ABHD5: variants seen among roughly 807,000 people sequenced by gnomAD.
The protein encoded by ABHD5 is 1-acylglycerol-3-phosphate O-acyltransferase ABHD5.
A neutral mutation model predicts 44.9 loss-of-function variants in ABHD5; 30 were observed. The ratio of observed to expected loss-of-function variants is 0.67; its 90% CI spans 0.50 to 0.91. ABHD5 has a LOEUF of 0.91. Ranked by LOEUF, ABHD5 falls within the 40% of genes least tolerant of loss-of-function variation. The pLI is 0.00. For synonymous variants in ABHD5, 167 were observed against 147.0 expected (o/e 1.14, Z -0.99); for missense variants, 399 against 423.4 (o/e 0.94, Z 0.50).
In ABHD5 at chr3:43,702,489, A is replaced by C; in HGVS notation, c.408A>C (p.Glu136Asp). Reference sequence around the variant, plus strand: ...AGAATCAGTTTGTGGAATCCATTGAAGAGTGGAGATGTGCCCTAGGATTGG... The same window carrying C: ...AGAATCAGTTTGTGGAATCCATTGACGAGTGGAGATGTGCCCTAGGATTGG... ...EVENQFVESI[E>D]EWRCALGLDK... Residue 136 changes from glutamate (E) to aspartate (D), a missense_variant, in exon 3 of 7, where the codon GAA becomes GAC. Physicochemically the swap from Glu to Asp is conservative, Grantham distance 45. Coordinates refer to ENST00000644371, the MANE Select transcript of ABHD5 (RefSeq NM_016006.6). 27 of 1,614,242 alleles carry C rather than the reference A, an allele frequency of 1.7e-5. No individual in the cohort carries two copies. The highest frequency in any genetic ancestry group is 2.3e-5 in the Non-Finnish European group (27 of 1,180,040).
chr3:43,727,577 A>AG (rs1023650017), downstream of ABHD5, among the ~76,000 whole-genome samples: 5 of 152,156 alleles, frequency 3.3e-5, no homozygotes. Context: ...GCAGGAAAAA[A>AG]TGGTGTTGTA....
At position 43,714,133 on chromosome 3, in the gene ABHD5, T is replaced by C. The variant is rs192430817; in HGVS notation, c.662-814T>C. On this transcript the variant is annotated intron_variant, in intron 4 of 6. Transcript: ENST00000644371. ...TTTTCTTTTCTTTCTTTCTTTCTTT[T>C]TTTCTTTTTTTTTTTTTTTGAGACG... Among the ~76,000 whole-genome samples the C allele has an allele frequency of 3.4e-3, 506 of 148,216 alleles. 7 individuals are homozygous for C. Among genetic ancestry groups the C allele is most frequent in the African/African-American group, 0.012 (475 of 38,704 alleles).
Position 43,702,482 on chromosome 3 carries a change from C to G in ABHD5, c.401C>G (p.Ser134Cys). The change falls in exon 3 of 7, where the codon TCC (serine) becomes TGC (cysteine). Residue 134 changes from serine (S) to cysteine (C), a missense_variant. Coordinates refer to ENST00000644371, the MANE Select transcript of ABHD5 (RefSeq NM_016006.6). The part of the protein sequence containing the change: ...AEEVENQFVE[S>C]IEEWRCALGL... ...GAAGTGGAGAATCAGTTTGTGGAAT[C>G]CATTGAAGAGTGGAGATGTGCCCTA... 1 of 1,614,212 alleles carries G rather than the reference C, an allele frequency of 6.2e-7. No individual in the cohort carries two copies. Among genetic ancestry groups the G allele is most frequent in the Non-Finnish European group, 8.5e-7 (1 of 1,180,044 alleles).
At chr3:43,723,438 TTGA>T (rs1181631968), downstream of ABHD5, among the ~76,000 whole-genome samples, 4 of 152,208 alleles carry the variant, frequency 2.6e-5, no homozygotes, top group African/African-American at 4.8e-5. Context: ...AAATGAAAAG[TTGA>T]TGAGAAGCAT....
intron 7 of ABHD5, among the ~76,000 whole-genome samples, chr3:43,729,075 A>T (rs943397080): frequency 3.9e-5 from 6 of 152,196 alleles, no homozygotes; most frequent in African/African-American, 1.4e-4. Context: ...TTTTGTGGTG[A>T]CTCTAACCAT....
At position 43,718,540 on chromosome 3, in the gene ABHD5, G is replaced by C. The variant is rs1575607779; in HGVS notation, c.*8G>C. The stretch of plus-strand genomic sequence containing the variant: ...TGCGACACTGTGGACTGAACACACT[G>C]AAGCTCTGATGGGAAAACCTGGTGA... On this transcript the variant is annotated 3_prime_UTR_variant, in exon 7 of 7. Transcript: ENST00000644371. The C allele has an allele frequency of 7.4e-6, 12 of 1,613,532 alleles. No individual in the cohort carries two copies. Among genetic ancestry groups the C allele is most frequent in the Non-Finnish European group, 7.6e-6 (9 of 1,179,578 alleles).
intron 3 of ABHD5, among the ~76,000 whole-genome samples, chr3:43,708,090 G>A (rs1388476535): frequency 1.3e-5 from 2 of 152,214 alleles, no homozygotes; most frequent in African/African-American, 2.4e-5. Context: ...GATGTACTCT[G>A]CTCACCATCT....
intron 5 of ABHD5, among the ~76,000 whole-genome samples, chr3:43,716,683 T>TAC (rs1355217342): frequency 6.6e-6 from 1 of 152,204 alleles, no homozygotes; most frequent in African/African-American, 2.4e-5. Context: ...GGATTAGGTC[T>TAC]ACACACTTCC....
At chr3:43,715,344 G>T (rs2084750764) in intron 5 of ABHD5, among the ~76,000 whole-genome samples, 1 of 151,942 alleles carries the variant, frequency 6.6e-6, no homozygotes, top group African/African-American at 2.4e-5. Context: ...TGTATTTTTA[G>T]TAGAGACGGG....
intron 7 of ABHD5, among the ~76,000 whole-genome samples, chr3:43,733,303 C>G (rs1392587802): frequency 6.6e-6 from 1 of 152,194 alleles, no homozygotes; most frequent in African/African-American, 2.4e-5. Flanking sequence ...TTATATAAAT[C>G]CTCATCCAGT....
intron 1 of ABHD5, among the ~76,000 whole-genome samples, chr3:43,696,566 G>A (rs1196660993): frequency 1.3e-5 from 2 of 152,196 alleles, no homozygotes; most frequent in Non-Finnish European, 2.9e-5. Flanking sequence ...GGATGGGTAA[G>A]TTTTAAAGGG....
chr3:43,713,434 A>T (rs903960435), intron 4 of ABHD5, among the ~76,000 whole-genome samples: 4 of 151,990 alleles, frequency 2.6e-5, no homozygotes, highest in Non-Finnish European at 5.9e-5. Context: ...ATTAACTGTC[A>T]TGCAGGTGAC....
At chr3:43,709,146 A>T (rs1047680191) in intron 3 of ABHD5, among the ~76,000 whole-genome samples, 3 of 152,260 alleles carry the variant, frequency 2.0e-5, no homozygotes, top group Non-Finnish European at 4.4e-5. Context: ...GTGGAAAAGC[A>T]TATTAATCCA....
At chr3:43,692,948 G>C (rs889001185) in intron 1 of ABHD5, among the ~76,000 whole-genome samples, 1 of 152,160 alleles carries the variant, frequency 6.6e-6, no homozygotes, top group Non-Finnish European at 1.5e-5. Context: ...GTCATCTGAT[G>C]GCTTTTTGGA....
In ABHD5 at chr3:43,700,020, T is replaced by C. The variant is rs150344565; in HGVS notation, c.133+659T>C. On this transcript the variant is annotated intron_variant, in intron 2 of 6. Transcript: ENST00000644371. Reference sequence around the variant, plus strand: ...CTTGAGACTATGCTTTGAGAACAGATTCTAGGTGTTTCAGAGCAAGCAGCC... The same window carrying C: ...CTTGAGACTATGCTTTGAGAACAGACTCTAGGTGTTTCAGAGCAAGCAGCC... Among the ~76,000 whole-genome samples, 812 of 152,242 alleles carry C rather than the reference T, an allele frequency of 5.3e-3. 2 individuals carry two copies. The highest frequency in any genetic ancestry group is 0.01 in the Middle Eastern group (3 of 294).
At chr3:43,699,934 A>G (rs2084519424) in intron 2 of ABHD5, among the ~76,000 whole-genome samples, 1 of 152,198 alleles carries the variant, frequency 6.6e-6, no homozygotes. Context: ...TATTATGATG[A>G]AAATAGTTTT....
chr3:43,701,877 G>A (rs1217171886), intron 2 of ABHD5: 3 of 187,536 alleles, frequency 1.6e-5, no homozygotes, highest in Admixed American at 5.5e-5. Flanking sequence ...TAAAATAATG[G>A]GTTCGGTAAC....
At position 43,721,609 on chromosome 3, in the gene ABHD5, T is replaced by C. The variant is rs2084837627; in HGVS notation, c.*3077T>C. The C allele has an allele frequency of 6.7e-6, 1 of 150,226 alleles. No homozygotes were observed. The highest frequency in any genetic ancestry group is 1.5e-5 in the Non-Finnish European group (1 of 67,718). The allele number at this position is 150,226 out of a possible 1,614,324, so 9.3% of individuals were successfully genotyped here. ...TTAAGTACCTGGCCTGGGTTCCACC[T>C]ACTTGGGAGGCTGAGGTAGGAGGAC... On this transcript the variant is annotated 3_prime_UTR_variant, in exon 7 of 7. Coordinates refer to ENST00000644371, the MANE Select transcript of ABHD5 (RefSeq NM_016006.6).
intron 7 of ABHD5, among the ~76,000 whole-genome samples, chr3:43,731,251 G>A (rs903403142): frequency 3.3e-5 from 5 of 152,184 alleles, no homozygotes; most frequent in Non-Finnish European, 7.3e-5. Context: ...TCCAAGGATC[G>A]TTCGCTAAAG....
Sources: gnomAD v4.1 joint callset for allele counts (sites outside exome capture counted in the v4.1 genomes callset) on GRCh38, gnomAD v4.1.1 for gene constraint, MANE v1.5 for transcripts, NCBI Gene and HGNC (gene_info 2026-07-23, HGNC 2026-07-21) for gene names.